Variants in RAB26 observed in about 807,000 individuals in gnomAD.
RAB26 encodes ras-related protein Rab-26.
A neutral mutation model predicts 33.1 loss-of-function variants in RAB26; 39 were observed. The observed-to-expected ratio is 1.18, with a 90% CI of 0.91 to 1.54. The LOEUF is 1.54. RAB26 is among the 40% of genes most tolerant of loss of function. RAB26 has a pLI of 0.00. For synonymous variants in RAB26, 192 were observed against 151.9 expected (o/e 1.26, Z -1.94); for missense variants, 468 against 362.9 (o/e 1.29, Z -2.35).
At chr16:2,151,140 C>T (rs1382641136) in intron 2 of RAB26, 1 of 449,472 alleles carries the variant, frequency 2.2e-6, no homozygotes. Flanking sequence ...CAGGGTCTCA[C>T]TCTGTCGCCC....
At chr16:2,151,527 G>C (rs1213222213) in intron 2 of RAB26, 42 bp from the exon 3 acceptor site, 1 of 1,612,772 alleles carries the variant, frequency 6.2e-7, no homozygotes, top group Non-Finnish European at 8.5e-7. Flanking sequence ...CCAGAGGCTG[G>C]GCTGGGCCCA....
chr16:2,153,233 C>CAAAGTAAG lies in RAB26; in HGVS notation c.668+11_668+12insAAAGTAAG. Reference sequence around the variant, plus strand: ...CACAGCCATAGCAAAGTAAGTCCTGCCAGTCACCAGGACTCCCCCAGCCCA... The same window carrying CAAAGTAAG: ...CACAGCCATAGCAAAGTAAGTCCTGCAAAGTAAGCAGTCACCAGGACTCCCCCAGCCCA... On this transcript the variant is annotated intron_variant, in intron 8 of 8. Transcript: ENST00000210187. 6.2e-7 allele frequency: 1 copy of CAAAGTAAG among 1,613,676 alleles called. No homozygotes were observed. Among genetic ancestry groups the CAAAGTAAG allele is most frequent in the Non-Finnish European group, 8.5e-7 (1 of 1,179,924 alleles).
chr16:2,152,056 A>G (rs1437121239), intron 5 of RAB26, 148 bp downstream of exon 5: 1 of 1,099,160 alleles, frequency 9.1e-7, no homozygotes, highest in East Asian at 2.6e-5. Flanking sequence ...AGGTGGCCCA[A>G]GTGGACCTGA....
At chr16:2,149,675 TG>T (rs2092998224) in intron 1 of RAB26, among the ~76,000 whole-genome samples, 1 of 152,272 alleles carries the variant, frequency 6.6e-6, no homozygotes, top group Admixed American at 6.5e-5. Flanking sequence ...GTCCACCGTG[TG>T]GGGGTATGGA....
chr16:2,149,822 C>T, intron 1 of RAB26, 119 bp from the exon 2 acceptor site: 1 of 702,838 alleles, frequency 1.4e-6, no homozygotes, highest in Non-Finnish European at 2.2e-6. Flanking sequence ...GTCCCTGGCC[C>T]CGCTGAGCCT....
chr16:2,153,007 C>T lies in RAB26; in HGVS notation c.553C>T (p.Arg185Cys), dbSNP rs1242594441. The stretch of plus-strand genomic sequence containing the variant: ...GGGCCAGGTGGACTCTGCCCATGAG[C>T]GTGTGGTGAAGAGGGAGGACGGGGA... ...LGNKVDSAHE[R>C]VVKREDGEKL... is the part of the protein sequence containing the mutation. The change falls in exon 7 of 9, where the codon CGT (arginine) becomes TGT (cysteine). Residue 185 changes from arginine to cysteine, a missense_variant. Arg to Cys is a radical substitution (Grantham distance 180). Transcript: ENST00000210187. 11 of 1,595,446 alleles carry T rather than the reference C, an allele frequency of 6.9e-6. No individual in the cohort carries two copies. The highest frequency in any genetic ancestry group is 1.7e-5 in the Admixed American group (1 of 59,098).
At chr16:2,148,239 G>C, upstream of RAB26, 1 of 152,356 alleles carries the variant, frequency 6.6e-6, no homozygotes, top group Non-Finnish European at 1.5e-5. Flanking sequence ...TAGGCATCTG[G>C]GGCTAAGGAG....
rs1462457347 is a variant in RAB26 at position 2,153,033 on chromosome 16, G to A, written c.579G>A (p.Glu193=). 4 of 1,604,340 alleles carry A rather than the reference G, an allele frequency of 2.5e-6. No homozygotes were observed. Among genetic ancestry groups the A allele is most frequent in the Non-Finnish European group, 3.4e-6 (4 of 1,173,152 alleles). ...GTGTGGTGAAGAGGGAGGACGGGGA[G>A]AAGCTGGCCAAGGTGAGTCAGGGCA... The part of the protein sequence containing the change: ...HERVVKREDG[E]KLAKEYGLPF... The change falls in exon 7 of 9, where the codon GAG becomes GAA. Residue 193 remains glutamate (E), a synonymous_variant. Coordinates refer to ENST00000210187, the MANE Select transcript of RAB26 (RefSeq NM_014353.5).
chr16:2,148,935 C>T lies in RAB26; in HGVS notation c.152C>T (p.Pro51Leu). The T allele has an allele frequency of 7.7e-7, 1 of 1,298,236 alleles. No homozygotes were observed. Among genetic ancestry groups the T allele is most frequent in the Non-Finnish European group, 9.8e-7 (1 of 1,021,678 alleles). 80.4% of individuals were successfully genotyped at this position (1,298,236 alleles called of 1,614,324 possible). A position where few individuals can be genotyped will look rare whatever the true frequency, so the allele number is the denominator to read the frequency against. The change falls in exon 1 of 9, where the codon CCC (proline) becomes CTC (leucine). Residue 51 changes from proline to leucine, a missense_variant. Coordinates refer to ENST00000210187, the MANE Select transcript of RAB26 (RefSeq NM_014353.5). Reference protein sequence around the residue: ...PPNGPLQPGRPSLGGGVDFYD... With the variant: ...PPNGPLQPGRLSLGGGVDFYD... ...AACGGGCCCTTGCAGCCCGGCCGGC[C>T]CTCGCTTGGCGGCGGTGTCGACTTC...
At chr16:2,151,065 A>ACAGGCC (rs1189444300) in intron 2 of RAB26, 32 of 367,268 alleles carry the variant, frequency 8.7e-5, no homozygotes, top group South Asian at 5.2e-4. Context: ...CTTGGGTCAG[A>ACAGGCC]CAGGCCCAGG....
rs772346106 is a variant in RAB26 at position 2,148,858 on chromosome 16, G to A, written c.75G>A (p.Gly25=). The A allele has an allele frequency of 7.1e-7, 1 of 1,406,914 alleles. No homozygotes were observed. Among genetic ancestry groups the A allele is most frequent in the South Asian group, 1.5e-5 (1 of 64,572 alleles). The allele number at this position is 1,406,914 out of a possible 1,614,324, so 87.2% of individuals were successfully genotyped here. ...PAASTLPTAN[G]ARPARSGTAL... is the part of the protein sequence containing the mutation. The stretch of plus-strand genomic sequence containing the variant: ...CCTCCACGCTGCCCACCGCCAACGG[G>A]GCCCGACCGGCGCGCTCCGGGACTG... Residue 25 remains glycine, a synonymous_variant, in exon 1 of 9, where the codon GGG becomes GGA. Transcript: ENST00000210187.
At position 2,154,137 on chromosome 16, in the gene RAB26, T is replaced by G. The variant is rs918688503; in HGVS notation, c.*716T>G. Reference sequence around the variant, plus strand: ...TCCTAGTGAATAAAGTTGTGTTTTCTGGAGCGTCTGTCTCATCTGTTGAAA... The same window carrying G: ...TCCTAGTGAATAAAGTTGTGTTTTCGGGAGCGTCTGTCTCATCTGTTGAAA... On this transcript the variant is annotated 3_prime_UTR_variant, in exon 9 of 9. Coordinates refer to ENST00000210187, the MANE Select transcript of RAB26 (RefSeq NM_014353.5). 3.5e-6 allele frequency: 1 copy of G among 289,460 alleles called. No individual in the cohort carries two copies. Among genetic ancestry groups the G allele is most frequent in the African/African-American group, 2.2e-5 (1 of 44,778 alleles). 17.9% of individuals were successfully genotyped at this position (289,460 alleles called of 1,614,324 possible). A position where few individuals can be genotyped will look rare whatever the true frequency, so the allele number is the denominator to read the frequency against.
chr16:2,152,054 C>T (rs940768612), intron 5 of RAB26, 146 bp downstream of exon 5: 7 of 1,168,202 alleles, frequency 6.0e-6, no homozygotes, highest in Non-Finnish European at 8.5e-6. Flanking sequence ...GGAGGTGGCC[C>T]AAGTGGACCT....
At position 2,151,676 on chromosome 16, in the gene RAB26, C is replaced by G; in HGVS notation, c.349-19C>G. ...ACCAGGGAAGGGCTGGACAGCCTGA[C>G]CAGTGCCTGTCGCTGCAGATGTGGG... On this transcript the variant is annotated intron_variant, in intron 3 of 8. Coordinates refer to ENST00000210187, the MANE Select transcript of RAB26 (RefSeq NM_014353.5). The G allele has an allele frequency of 6.2e-7, 1 of 1,614,004 alleles. No homozygotes were observed.
chr16:2,149,806 A>G (rs911445884), intron 1 of RAB26, 135 bp from the exon 2 acceptor site: 12 of 609,230 alleles, frequency 2.0e-5, no homozygotes, highest in African/African-American at 1.9e-4. Context: ...TGTCCAGCCC[A>G]TCGGGGTCCC....
chr16:2,151,977 A>C lies in RAB26; in HGVS notation c.468+69A>C, dbSNP rs188935838. The C allele has an allele frequency of 2.0e-4, 317 of 1,584,254 alleles. 1 individual carries two copies. Among genetic ancestry groups the C allele is most frequent in the Non-Finnish European group, 2.4e-4 (282 of 1,155,192 alleles). On this transcript the variant is annotated intron_variant, in intron 5 of 8. Transcript: ENST00000210187. ...TGACCCATCCCAACCTCCTTCTGGT[A>C]GATGGCATCAGGGTTCCAAAGGACC...
In RAB26 at chr16:2,153,612, T is replaced by A. The variant is rs1283999259; in HGVS notation, c.*191T>A. On this transcript the variant is annotated 3_prime_UTR_variant, in exon 9 of 9. Coordinates refer to ENST00000210187, the MANE Select transcript of RAB26 (RefSeq NM_014353.5). ...CAACAAGCAGGCTTCTGAGAGCCCG[T>A]GGCCGCACACTGGCCGCCACGGAAA... 1 of 669,592 alleles carries A rather than the reference T, an allele frequency of 1.5e-6. No individual in the cohort carries two copies. Among genetic ancestry groups the A allele is most frequent in the Non-Finnish European group, 2.7e-6 (1 of 372,644 alleles). 41.5% of individuals were successfully genotyped at this position (669,592 alleles called of 1,614,324 possible).
intron 4 of RAB26, 47 bp downstream of exon 4, chr16:2,151,808 C>A (rs1421975732): frequency 6.2e-7 from 1 of 1,613,950 alleles, no homozygotes; most frequent in South Asian, 1.1e-5. Flanking sequence ...GTCTGAGCAC[C>A]TGAGGGTGCA....
At chr16:2,152,144 G>T (rs1342312807) in intron 5 of RAB26, among the ~76,000 whole-genome samples, 2 of 152,138 alleles carry the variant, frequency 1.3e-5, no homozygotes, top group Non-Finnish European at 2.9e-5. Flanking sequence ...GTACACGGGG[G>T]GTTATCACTT....
Sources: gnomAD v4.1 joint callset for allele counts (sites outside exome capture counted in the v4.1 genomes callset) on GRCh38, gnomAD v4.1.1 for gene constraint, MANE v1.5 for transcripts, NCBI Gene and HGNC (gene_info 2026-07-23, HGNC 2026-07-21) for gene names.